ANKRD2: variants seen among roughly 807,000 people sequenced by gnomAD.
ANKRD2 encodes the protein ankyrin repeat domain-containing protein 2.
ANKRD2 carries 35 observed loss-of-function variants against 37.3 expected under a neutral mutation model. The ratio of observed to expected loss-of-function variants is 0.94; its 90% confidence interval spans 0.72 to 1.24. The LOEUF is 1.24. ANKRD2 is among the 50% of genes most tolerant of loss of function. The pLI, the probability that ANKRD2 is intolerant of heterozygous loss-of-function variation, is 0.00. For missense variants in ANKRD2, 410 were observed against 445.6 expected, an observed-to-expected ratio of 0.92 and a Z score of 0.72; for synonymous variants, 159 against 186.5, an observed-to-expected ratio of 0.85 and a Z score of 1.20.
chr10:97,580,665 T>G (rs377608720), intron 4 of ANKRD2, among the ~76,000 whole-genome samples, 190 bp from the exon 5 acceptor site: 1 of 152,092 alleles, frequency 6.6e-6, no homozygotes, highest in East Asian at 1.9e-4. Flanking sequence ...GAAGGTCGGG[T>G]TCCCTGGGGC....
rs776441427 is a variant in ANKRD2, at chr10:97,580,859, G to A, written c.461G>A (p.Arg154His). ...GGSADTCDQFRRTALHRASLE... is the reference protein window; with the variant it reads ...GGSADTCDQFHRTALHRASLE... ...TGACAGCCTCTCTGGGGACAGTTCC[G>A]TCGGACAGCACTGCACCGAGCTTCC... The change falls in exon 5 of 9, where the codon CGT becomes CAT. Residue 154 changes from arginine to histidine, a missense_variant. Arg to His is a conservative substitution (Grantham distance 29). Coordinates refer to ENST00000370655, the MANE Select transcript of ANKRD2 (RefSeq NM_001346793.2). 4.3e-6 allele frequency: 7 copies of A among 1,609,952 alleles called. No homozygotes were observed. Among genetic ancestry groups the A allele is most frequent in the African/African-American group, 1.3e-5 (1 of 74,848 alleles).
chr10:97,582,433 C>G lies in ANKRD2; in HGVS notation c.753+20C>G. 6.3e-7 allele frequency: 1 copy of G among 1,578,752 alleles called. No homozygotes were observed. The highest frequency in any genetic ancestry group is 2.3e-5 in the East Asian group (1 of 42,610). On this transcript the variant is annotated intron_variant, in intron 7 of 8. Transcript: ENST00000370655. ...GACAGGGTGAGTGCTAGCCTGTCCG[C>G]TGCTCACCCGCCATGGGTGTGTGGG... is the stretch of plus-strand genomic sequence containing the variant.
At chr10:97,580,802 T>C in intron 4 of ANKRD2, 53 bp from the exon 5 acceptor site, 1 of 1,414,794 alleles carries the variant, frequency 7.1e-7, no homozygotes, top group Admixed American at 2.0e-5. Flanking sequence ...GGGTGGGAGA[T>C]GGGCTCAGGC....
chr10:97,576,270 T>C (rs1462958740), intron 1 of ANKRD2, among the ~76,000 whole-genome samples: 3 of 152,194 alleles, frequency 2.0e-5, no homozygotes, highest in African/African-American at 7.2e-5. Context: ...GGGCAATTGT[T>C]CCTGGACTCA....
intron 1 of ANKRD2, among the ~76,000 whole-genome samples, chr10:97,575,976 CA>C (rs1485427343): frequency 6.6e-6 from 1 of 151,876 alleles, no homozygotes; most frequent in Non-Finnish European, 1.5e-5. Context: ...GCCAGAGTCC[CA>C]CATGCAGCAG....
At chr10:97,583,486 G>C (rs1217749793) in intron 8 of ANKRD2, 90 bp from the exon 9 acceptor site, 6 of 1,256,274 alleles carry the variant, frequency 4.8e-6, no homozygotes, top group African/African-American at 1.5e-5. Flanking sequence ...AGCACTGGTG[G>C]TGTCAATGAG....
chr10:97,580,421 G>A (rs1227715014), intron 4 of ANKRD2, among the ~76,000 whole-genome samples: 1 of 152,178 alleles, frequency 6.6e-6, no homozygotes, highest in Non-Finnish European at 1.5e-5. Flanking sequence ...TAGGCACTTG[G>A]GGAGTCCAGC....
intron 7 of ANKRD2, 69 bp from the exon 8 acceptor site, chr10:97,582,535 C>T: frequency 6.3e-7 from 1 of 1,575,110 alleles, no homozygotes; most frequent in South Asian, 1.1e-5. Flanking sequence ...GGTCTCCAGC[C>T]CACCTCCCAT....
upstream of ANKRD2, chr10:97,572,707 C>T: frequency 6.2e-7 from 1 of 1,602,838 alleles, no homozygotes; most frequent in Non-Finnish European, 8.5e-7. Flanking sequence ...CCAGTGAGCT[C>T]ATGGCAAAGG....
At chr10:97,580,820 C>A in intron 4 of ANKRD2, 35 bp from the exon 5 acceptor site, 1 of 1,549,900 alleles carries the variant, frequency 6.5e-7, no homozygotes, top group Non-Finnish European at 8.8e-7. Context: ...GGCCTGGAGC[C>A]AGAGGCCAGG....
intron 6 of ANKRD2, 65 bp downstream of exon 6, chr10:97,581,479 A>G: frequency 6.6e-7 from 1 of 1,509,826 alleles, no homozygotes; most frequent in African/African-American, 1.4e-5. Context: ...GCAGGGGTCC[A>G]AGGGCAGGAA....
At chr10:97,574,155 C>T (rs1355849801) in intron 1 of ANKRD2, among the ~76,000 whole-genome samples, 2 of 152,146 alleles carry the variant, frequency 1.3e-5, no homozygotes, top group Non-Finnish European at 2.9e-5. Context: ...TGGTGTCAGG[C>T]ACCTGTAATC....
At chr10:97,578,144 G>GGGCCCCCCCCCC in intron 2 of ANKRD2, 96 bp from the exon 3 acceptor site, 1 of 685,436 alleles carries the variant, frequency 1.5e-6, no homozygotes, top group Non-Finnish European at 2.5e-6. Context: ...GGGTCTTCCT[G>GGGCCCCCCCCCC]CCCACCCCAC....
rs149005145 is a variant in ANKRD2, at chr10:97,583,146, T to C, written c.853-430T>C. ...AAGGGGAAGGTGCCCAGGGAACACC[T>C]TGGACTAGGGAACACTTAGTCCAAG... On this transcript the variant is annotated intron_variant, in intron 8 of 8. Coordinates refer to ENST00000370655, the MANE Select transcript of ANKRD2 (RefSeq NM_001346793.2). Among the ~76,000 whole-genome samples, 425 of 152,264 alleles carry C rather than the reference T, an allele frequency of 2.8e-3. 2 individuals are homozygous for C. Among genetic ancestry groups the C allele is most frequent in the Middle Eastern group, 0.01 (3 of 292 alleles).
In ANKRD2 at chr10:97,583,630, GCCC is replaced by G; in HGVS notation, c.908_910del (p.Ala303_Leu304delinsVal). 1 of 1,606,030 alleles carries G rather than the reference GCCC, an allele frequency of 6.2e-7. No homozygotes were observed. The highest frequency in any genetic ancestry group is 8.5e-7 in the Non-Finnish European group (1 of 1,176,894). ...GCTCTGGCAGGCTGATACCCGGCACGCCCTGGAGCATCCTGAGCCGGGGGCTGA... is the reference window on the plus strand; with the variant it reads ...GCTCTGGCAGGCTGATACCCGGCACGTGGAGCATCCTGAGCCGGGGGCTGA... On this transcript the variant is annotated inframe_deletion, in exon 9 of 9. Transcript: ENST00000370655.
chr10:97,578,144 G>GGCCCCCCCA, intron 2 of ANKRD2, 96 bp from the exon 3 acceptor site: 6 of 685,436 alleles, frequency 8.8e-6, no homozygotes, highest in East Asian at 2.7e-5. Context: ...GGGTCTTCCT[G>GGCCCCCCCA]CCCACCCCAC....
In ANKRD2 at chr10:97,581,348, C is replaced by T. The variant is rs559852218; in HGVS notation, c.588C>T (p.Arg196=). Residue 196 remains arginine, a synonymous_variant, in exon 6 of 9, where the codon CGC becomes CGT. Coordinates refer to ENST00000370655, the MANE Select transcript of ANKRD2 (RefSeq NM_001346793.2). ...GCACAGCCATGCATTGGGCCTGCCGCGGGGGCCACTTAGAGGTGGTGAAAC... is the reference window on the plus strand; with the variant it reads ...GCACAGCCATGCATTGGGCCTGCCGTGGGGGCCACTTAGAGGTGGTGAAAC... ...LDCTAMHWAC[R]GGHLEVVKLL... 154 of 1,614,120 alleles carry T rather than the reference C, an allele frequency of 9.5e-5. No individual in the cohort carries two copies. The highest frequency in any genetic ancestry group is 7.0e-4 in the South Asian group (64 of 91,078).
At chr10:97,578,012 A>G (rs1401177485) in intron 2 of ANKRD2, 111 bp downstream of exon 2, 7 of 1,146,042 alleles carry the variant, frequency 6.1e-6, no homozygotes, top group East Asian at 2.6e-5. Flanking sequence ...CACCCCCGGT[A>G]GAGCTTGCTA....
rs142827646 is a variant in ANKRD2 at position 97,578,290 on chromosome 10, C to T, written c.240C>T (p.Ile80=). The change falls in exon 3 of 9, where the codon ATC becomes ATT. Residue 80 remains isoleucine, a synonymous_variant. Coordinates refer to ENST00000370655, the MANE Select transcript of ANKRD2 (RefSeq NM_001346793.2). ...KTSLDLRREI[I]DVGGIQNLIE... ...CCCTGGACCTGCGGCGGGAGATCAT[C>T]GATGTGGGCGGGATCCAGAACCTCA... The T allele has an allele frequency of 2.5e-6, 4 of 1,612,936 alleles. No individual in the cohort carries two copies. Among genetic ancestry groups the T allele is most frequent in the Admixed American group, 1.7e-5 (1 of 59,994 alleles).
Sources: gnomAD v4.1 joint callset for allele counts (sites outside exome capture counted in the v4.1 genomes callset) on GRCh38, gnomAD v4.1.1 for gene constraint, MANE v1.5 for transcripts, NCBI Gene and HGNC (gene_info 2026-07-23, HGNC 2026-07-21) for gene names.